FAAP100: variants seen among roughly 807,000 people sequenced by gnomAD.
FAAP100 encodes FA core complex associated protein 100.
In FAAP100, 46 loss-of-function variants were observed where a neutral mutation model predicts 65.8. The observed-to-expected ratio is 0.70, with a 90% confidence interval of 0.55 to 0.89. The LOEUF (loss-of-function observed/expected upper bound fraction) is 0.89, where lower values mean the gene tolerates loss of function less well. FAAP100 is among the 40% of genes least tolerant of loss of function. The probability of loss-of-function intolerance (pLI) is 0.00; values close to 1 mark genes in which losing one functional copy is unlikely to be tolerated. For synonymous variants in FAAP100, 663 were observed against 555.1 expected (o/e 1.19, Z -2.73); for missense variants, 1,165 against 1,196.7 (o/e 0.97, Z 0.39).
Position 81,551,014 on chromosome 17 carries a change from A to G in FAAP100, c.480T>C (p.Pro160=). 1 of 1,611,486 alleles carries G rather than the reference A, an allele frequency of 6.2e-7. No homozygotes were observed. Among genetic ancestry groups the G allele is most frequent in the Non-Finnish European group, 8.5e-7 (1 of 1,179,408 alleles). ...WKMQLFEQPC[P]GEDPRPGGQI... ...GGCCTCCTGGCCGGGGGTCCTCCCCAGGACAGGGCTGCTCAAACAGCTGCA... is the reference window on the plus strand; with the variant it reads ...GGCCTCCTGGCCGGGGGTCCTCCCCGGGACAGGGCTGCTCAAACAGCTGCA... The change falls in exon 3 of 9, where the codon CCT becomes CCC. Residue 160 remains proline, a synonymous_variant. Transcript: ENST00000327787.
At chr17:81,552,715 C>CT (rs2033545553), upstream of FAAP100, among the ~76,000 whole-genome samples, 1 of 152,338 alleles carries the variant, frequency 6.6e-6, no homozygotes. Flanking sequence ...GCTACTCGGG[C>CT]TTTTGCGTAA....
chr17:81,542,673 C>A lies in FAAP100; in HGVS notation c.2428-1278G>T, dbSNP rs929530745. Among the ~76,000 whole-genome samples, 10 of 152,196 alleles carry A rather than the reference C, an allele frequency of 6.6e-5. 1 individual carries two copies. Among genetic ancestry groups the A allele is most frequent in the Non-Finnish European group, 1.2e-4 (8 of 68,034 alleles). On this transcript the variant is annotated intron_variant, in intron 7 of 8. Coordinates refer to ENST00000327787, the MANE Select transcript of FAAP100 (RefSeq NM_025161.6). The stretch of plus-strand genomic sequence containing the variant: ...GGCTCCTGGGCGCTGACTCAGGCCC[C>A]CCAGATTCATGCGGAAGCCCTAGTG...
In FAAP100 at chr17:81,547,101, G is replaced by T. The variant is rs1183401916; in HGVS notation, c.1981C>A (p.Pro661Thr). 1 of 1,528,890 alleles carries T rather than the reference G, an allele frequency of 6.5e-7. No individual in the cohort carries two copies. Among genetic ancestry groups the T allele is most frequent in the South Asian group, 1.3e-5 (1 of 79,298 alleles). 94.7% of individuals were successfully genotyped at this position (1,528,890 alleles called of 1,614,324 possible). A position where few individuals can be genotyped will look rare whatever the true frequency, so the allele number is the denominator to read the frequency against. ...QCLRFPGLAPPHTRAPSPLGP... is the reference protein window; with the variant it reads ...QCLRFPGLAPTHTRAPSPLGP... ...AGTGGGGAGGGGGCCCGTGTGTGTG[G>T]CGGGGCCAGGCCAGGGAAGCGCAGA... The change falls in exon 5 of 9, where the codon CCA (proline) becomes ACA (threonine). Residue 661 changes from proline to threonine, a missense_variant. Transcript: ENST00000327787.
In FAAP100 at chr17:81,540,346, T is replaced by G. The variant is rs2033038801; in HGVS notation, c.*473A>C. 2.5e-6 allele frequency: 1 copy of G among 401,042 alleles called. No homozygotes were observed. Among genetic ancestry groups the G allele is most frequent in the African/African-American group, 2.1e-5 (1 of 48,650 alleles). 24.8% of individuals were successfully genotyped at this position (401,042 alleles called of 1,614,324 possible). On this transcript the variant is annotated 3_prime_UTR_variant, in exon 9 of 9. Coordinates refer to ENST00000327787, the MANE Select transcript of FAAP100 (RefSeq NM_025161.6). Reference sequence around the variant, plus strand: ...TGTGACAAGGGTACCGTGGGGCACCTGGTAGTGCCACCCAGAGGGGCAGCC... The same window carrying G: ...TGTGACAAGGGTACCGTGGGGCACCGGGTAGTGCCACCCAGAGGGGCAGCC...
chr17:81,551,235 G>A (rs1258326772), intron 2 of FAAP100, 32 bp from the exon 3 acceptor site: 11 of 1,473,162 alleles, frequency 7.5e-6, no homozygotes, highest in Non-Finnish European at 1.0e-5. Flanking sequence ...GGTCAGGCCT[G>A]GGCAGGGTGG....
At chr17:81,545,937 C>A (rs971073816) in intron 5 of FAAP100, 55 bp from the exon 6 acceptor site, 93 of 1,559,048 alleles carry the variant, frequency 6.0e-5, no homozygotes, top group Non-Finnish European at 7.8e-5. Context: ...GTGGGCTCAG[C>A]CGATCCTACC....
At chr17:81,541,493 C>A in intron 7 of FAAP100, 98 bp from the exon 8 acceptor site, 1 of 1,036,630 alleles carries the variant, frequency 9.6e-7, no homozygotes, top group Non-Finnish European at 1.5e-6. Flanking sequence ...CTGCCTGGTG[C>A]TGCCTCCCTG....
chr17:81,552,296 G>T lies in FAAP100; in HGVS notation c.35C>A (p.Ala12Glu). The change falls in exon 1 of 9, where the codon GCG becomes GAG. Residue 12 changes from alanine to glutamate, a missense_variant. Physicochemically the swap from Ala to Glu is moderately radical, Grantham distance 107. Coordinates refer to ENST00000327787, the MANE Select transcript of FAAP100 (RefSeq NM_025161.6). ...AGAAPRVRYLAGFCCPLGGLA... is the reference protein window; with the variant it reads ...AGAAPRVRYLEGFCCPLGGLA... ...GCCCCCGAGAGGGCAGCAGAAGCCC[G>T]CCAGGTAGCGGACCCGCGGCGCGGC... 6.9e-7 allele frequency: 1 copy of T among 1,442,034 alleles called. No individual in the cohort carries two copies. The highest frequency in any genetic ancestry group is 1.4e-5 in the South Asian group (1 of 73,872). 89.3% of individuals were successfully genotyped at this position (1,442,034 alleles called of 1,614,324 possible).
chr17:81,552,445 G>C (rs1385184048), upstream of FAAP100: 7 of 1,030,230 alleles, frequency 6.8e-6, no homozygotes, highest in Non-Finnish European at 8.7e-6. Context: ...AGCGGTCGGC[G>C]GTGCCGGGGG....
intron 7 of FAAP100, 75 bp downstream of exon 7, chr17:81,543,929 G>T: frequency 2.2e-6 from 3 of 1,376,238 alleles, no homozygotes; most frequent in South Asian, 1.3e-5. Flanking sequence ...GTGGCCAGCA[G>T]CTACAGGGTC....
rs773471507 is a variant in FAAP100, at chr17:81,545,757, T to C, written c.2299A>G (p.Ile767Val). The part of the protein sequence containing the change: ...VAPDGANVHL[I>V]VREVAMTDLC... ...GAACCCCTGCTTGCCTCTCGGACGATGAGGTGAACGTTGGCGCCATCAGGG... is the reference window on the plus strand; with the variant it reads ...GAACCCCTGCTTGCCTCTCGGACGACGAGGTGAACGTTGGCGCCATCAGGG... Residue 767 changes from isoleucine to valine, a missense_variant, in exon 6 of 9, where the codon ATC (isoleucine) becomes GTC (valine). Physicochemically the swap from Ile to Val is conservative, Grantham distance 29. Transcript: ENST00000327787. 10 of 1,611,524 alleles carry C rather than the reference T, an allele frequency of 6.2e-6. No homozygotes were observed. In the South Asian group the frequency reaches 7.7e-5, roughly 12 times the overall value.
In FAAP100 at chr17:81,541,975, G is replaced by A. The variant is rs558012242; in HGVS notation, c.2428-580C>T. ...AAGGTCAGGAGATCGAGACCATCCC[G>A]GCTAAAACGGTGAAACCCCGTCTCT... is the stretch of plus-strand genomic sequence containing the variant. On this transcript the variant is annotated intron_variant, in intron 7 of 8. Transcript: ENST00000327787. 1.8e-4 allele frequency among the ~76,000 whole-genome samples: 27 copies of A among 151,746 alleles called. No individual in the cohort carries two copies. In the East Asian group the frequency reaches 3.3e-3, roughly 19 times the overall value.
Position 81,540,741 on chromosome 17 carries a change from C to T in FAAP100, c.*78G>A. 1 of 1,419,750 alleles carries T rather than the reference C, an allele frequency of 7.0e-7. No individual in the cohort carries two copies. The highest frequency in any genetic ancestry group is 9.2e-7 in the Non-Finnish European group (1 of 1,087,088). The allele number at this position is 1,419,750 out of a possible 1,614,324, so 87.9% of individuals were successfully genotyped here. On this transcript the variant is annotated 3_prime_UTR_variant, in exon 9 of 9. Transcript: ENST00000327787. The stretch of plus-strand genomic sequence containing the variant: ...GGCTCTGGCCAGGCCAGCTCGGTTT[C>T]CCTCTAACCCATGAGGCCTGGGGGG...
chr17:81,545,888 G>A lies in FAAP100; in HGVS notation c.2174-6C>T, dbSNP rs1444469416. On this transcript the variant is annotated splice_region_variant and splice_polypyrimidine_tract_variant and intron_variant, in intron 5 of 8. Transcript: ENST00000327787. ...GGCACAGCACAGGGGCACGCCTGGA[G>A]GGGAGGCATCAGCCGAGAGCTCAGC... 1.9e-6 allele frequency: 3 copies of A among 1,603,554 alleles called. No individual in the cohort carries two copies. The highest frequency in any genetic ancestry group is 1.7e-4 in the Middle Eastern group (1 of 6,056).
chr17:81,539,988 G>A lies in FAAP100; in HGVS notation c.*831C>T, dbSNP rs2033017140. ...AGTGCCTGCAGCGGGAGCGGCGCGA[G>A]CACCCTCCCCAGATGAAAACACCAG... On this transcript the variant is annotated 3_prime_UTR_variant, in exon 9 of 9. Transcript: ENST00000327787. 6 of 398,794 alleles carry A rather than the reference G, an allele frequency of 1.5e-5. No homozygotes were observed. The Admixed American group carries it at 2.2e-4, about 15-fold the overall frequency. 24.7% of individuals were successfully genotyped at this position (398,794 alleles called of 1,614,324 possible). A position where few individuals can be genotyped will look rare whatever the true frequency, so the allele number is the denominator to read the frequency against.
upstream of FAAP100, among the ~76,000 whole-genome samples, chr17:81,552,797 G>T (rs2033548432): frequency 6.6e-6 from 1 of 152,226 alleles, no homozygotes; most frequent in Admixed American, 6.5e-5. Flanking sequence ...GGGTCGGGGT[G>T]GGGCAGCGCC....
rs2033047892 is a variant in FAAP100, at chr17:81,540,523, T to C, written c.*296A>G. 7.1e-6 allele frequency: 3 copies of C among 420,876 alleles called. No individual in the cohort carries two copies. The highest frequency in any genetic ancestry group is 3.5e-5 in the East Asian group (1 of 28,948). 26.1% of individuals were successfully genotyped at this position (420,876 alleles called of 1,614,324 possible). A position where few individuals can be genotyped will look rare whatever the true frequency, so the allele number is the denominator to read the frequency against. Reference sequence around the variant, plus strand: ...CGGTGGTGGGAAGGCTGCCCAGCAGTGAGGAAGGCGAGTGCAGGGGCTGCG... The same window carrying C: ...CGGTGGTGGGAAGGCTGCCCAGCAGCGAGGAAGGCGAGTGCAGGGGCTGCG... On this transcript the variant is annotated 3_prime_UTR_variant, in exon 9 of 9. Transcript: ENST00000327787.
Position 81,549,297 on chromosome 17 carries a change from A to T in FAAP100, c.1312T>A (p.Ser438Thr), listed in dbSNP as rs535937681. ...RLMTCSLDLD[S>T]EMPGPARMTT... ...ATCCTGGCTGGGCCAGGCATCTCAGAGTCCAGGTCCAGGCTGCAGGTCATC... is the reference window on the plus strand; with the variant it reads ...ATCCTGGCTGGGCCAGGCATCTCAGTGTCCAGGTCCAGGCTGCAGGTCATC... Residue 438 changes from serine to threonine, a missense_variant, in exon 4 of 9, where the codon TCT (serine) becomes ACT (threonine). Transcript: ENST00000327787. 6 of 1,613,198 alleles carry T rather than the reference A, an allele frequency of 3.7e-6. No individual in the cohort carries two copies. In the South Asian group the frequency reaches 6.6e-5, roughly 18 times the overall value.
rs549336192 is a variant in FAAP100, at chr17:81,547,712, G to A, written c.1404-34C>T. 1.2e-5 allele frequency: 20 copies of A among 1,601,316 alleles called. 1 individual carries two copies. In the South Asian group the frequency reaches 1.9e-4, roughly 15 times the overall value. ...GACAGACATGACCCCCGGGAGCGGGGGGACACCCACAGCACCAGGTGCCAC... is the reference window on the plus strand; with the variant it reads ...GACAGACATGACCCCCGGGAGCGGGAGGACACCCACAGCACCAGGTGCCAC... On this transcript the variant is annotated intron_variant, in intron 4 of 8. Coordinates refer to ENST00000327787, the MANE Select transcript of FAAP100 (RefSeq NM_025161.6).
Sources: allele counts gnomAD v4.1 joint callset (sites outside exome capture counted in the v4.1 genomes callset), GRCh38; gene constraint gnomAD v4.1.1; transcripts MANE v1.5; gene names NCBI Gene and HGNC (gene_info 2026-07-23, HGNC 2026-07-21).